Variants in SERINC5 observed in about 807,000 individuals in gnomAD.
SERINC5 encodes chromosome 5 open reading frame 12.
Under a neutral mutation model 63.1 loss-of-function variants are expected in SERINC5, and 41 were observed. The observed-to-expected ratio is 0.65, with a 90% CI of 0.51 to 0.84. The LOEUF (loss-of-function observed/expected upper bound fraction) is 0.84, where lower values mean the gene tolerates loss of function less well. Ranked by LOEUF, SERINC5 falls within the 40% of genes least tolerant of loss-of-function variation. SERINC5 has a pLI of 0.00. For synonymous variants in SERINC5, 222 were observed against 215.2 expected (o/e 1.03, Z -0.28); for missense variants, 523 against 573.0 (o/e 0.91, Z 0.89).
intron 2 of SERINC5, among the ~76,000 whole-genome samples, chr5:80,189,675 T>TA (rs1245783437): frequency 6.6e-6 from 1 of 152,204 alleles, no homozygotes; most frequent in Non-Finnish European, 1.5e-5. Flanking sequence ...CACATGCTTA[T>TA]AGTCTAAGTG....
At chr5:80,194,350 G>A (rs1343830171) in intron 2 of SERINC5, among the ~76,000 whole-genome samples, 2 of 152,122 alleles carry the variant, frequency 1.3e-5, no homozygotes, top group African/African-American at 4.8e-5. Flanking sequence ...CATTCAACCA[G>A]TAAATATCAA....
chr5:80,174,888 T>C (rs1375278683), intron 5 of SERINC5, 66 bp downstream of exon 5: 1 of 1,130,748 alleles, frequency 8.8e-7, no homozygotes, highest in East Asian at 2.6e-5. Flanking sequence ...TGCAGTTGAG[T>C]ACAGCCTTGG....
intron 1 of SERINC5, among the ~76,000 whole-genome samples, chr5:80,219,640 C>G (rs1379730779): frequency 1.3e-5 from 2 of 152,150 alleles, no homozygotes; most frequent in Non-Finnish European, 2.9e-5. Context: ...TGTGAGGATG[C>G]CTGCATTCAA....
intron 1 of SERINC5, among the ~76,000 whole-genome samples, chr5:80,247,984 G>A (rs750324045): frequency 8.6e-5 from 13 of 152,044 alleles, no homozygotes; most frequent in Non-Finnish European, 1.3e-4. Flanking sequence ...AAGTAGCTGG[G>A]ACTATATAGG....
At chr5:80,117,127 G>A (rs1478630278) in intron 11 of SERINC5, among the ~76,000 whole-genome samples, 1 of 152,026 alleles carries the variant, frequency 6.6e-6, no homozygotes, top group Non-Finnish European at 1.5e-5. Flanking sequence ...CACCATGCCT[G>A]GCCCAGAGCT....
intron 11 of SERINC5, among the ~76,000 whole-genome samples, chr5:80,129,927 T>A (rs574412606): frequency 6.6e-6 from 1 of 152,336 alleles, no homozygotes; most frequent in Non-Finnish European, 1.5e-5. Flanking sequence ...CACCACAACA[T>A]ACAAAATGCA....
At chr5:80,190,959 C>A (rs113940667) in intron 2 of SERINC5, among the ~76,000 whole-genome samples, 8 of 152,088 alleles carry the variant, frequency 5.3e-5, no homozygotes, top group Non-Finnish European at 8.8e-5. Context: ...CCTGGATCAC[C>A]AAATGCTTGG....
Position 80,119,347 on chromosome 5 carries a change from GC to G in SERINC5, c.1239-5723del, listed in dbSNP as rs1255276067. 3.9e-5 allele frequency among the ~76,000 whole-genome samples: 6 copies of G among 152,138 alleles called. No homozygotes were observed. The South Asian group carries it at 1.2e-3, about 32-fold the overall frequency. On this transcript the variant is annotated intron_variant, in intron 11 of 12. Coordinates refer to the SERINC5 transcript ENST00000509193. ...TTAGTGAAGGTGGGGTGACAAACTG[GC>G]TGAACCAGTGGCCTAGACAGCCAAT...
At chr5:80,162,164 T>A (rs990805364) in intron 7 of SERINC5, among the ~76,000 whole-genome samples, 6 of 152,156 alleles carry the variant, frequency 3.9e-5, no homozygotes, top group African/African-American at 1.4e-4. Flanking sequence ...TTCCTCCAAG[T>A]TTTGTTCTTT....
intron 1 of SERINC5, among the ~76,000 whole-genome samples, chr5:80,230,445 C>CAAAAAAAAAAAAAAA (rs72476401): frequency 3.2e-5 from 3 of 93,188 alleles, no homozygotes; most frequent in African/African-American, 5.6e-5. Context: ...AAGACTGTCA[C>CAAAAAAAAAAAAAAA]AAAAAAAAAA....
At chr5:80,238,937 C>T (rs1345383207) in intron 1 of SERINC5, among the ~76,000 whole-genome samples, 4 of 152,178 alleles carry the variant, frequency 2.6e-5, no homozygotes, top group Admixed American at 2.0e-4. Context: ...CACTCATTCA[C>T]GCTCTCGTCA....
At chr5:80,147,650 A>G (rs1481529653) in intron 9 of SERINC5, among the ~76,000 whole-genome samples, 1 of 151,968 alleles carries the variant, frequency 6.6e-6, no homozygotes, top group African/African-American at 2.4e-5. Flanking sequence ...CTGTCCTTCA[A>G]CTTCACCCTC....
intron 8 of SERINC5, among the ~76,000 whole-genome samples, chr5:80,152,933 C>T (rs1746279039): frequency 6.6e-6 from 1 of 152,136 alleles, no homozygotes; most frequent in South Asian, 2.1e-4. Flanking sequence ...GAAAGTGAGA[C>T]TCTGTCTCAA....
At chr5:80,177,773 AT>A in intron 3 of SERINC5, 112 bp downstream of exon 3, 1 of 845,452 alleles carries the variant, frequency 1.2e-6, no homozygotes, top group Non-Finnish European at 1.8e-6. Flanking sequence ...TAAATCAACA[AT>A]TTCAACTAGA....
Position 80,172,094 on chromosome 5 carries a change from G to A in SERINC5, c.552-2548C>T, listed in dbSNP as rs572631233. On this transcript the variant is annotated intron_variant, in intron 5 of 11. Coordinates refer to ENST00000507668, the MANE Select transcript of SERINC5 (RefSeq NM_001174072.3). ...TGCCTGTAATCCCAGCACTTTGGGAGGCCAAGGCGGACAGATCACGAGGTC... is the reference window on the plus strand; with the variant it reads ...TGCCTGTAATCCCAGCACTTTGGGAAGCCAAGGCGGACAGATCACGAGGTC... 8.5e-5 allele frequency among the ~76,000 whole-genome samples: 13 copies of A among 152,304 alleles called. No individual in the cohort carries two copies. The South Asian group carries it at 2.5e-3, about 29-fold the overall frequency.
At chr5:80,173,662 TC>T (rs1747829533) in intron 5 of SERINC5, among the ~76,000 whole-genome samples, 1 of 151,908 alleles carries the variant, frequency 6.6e-6, no homozygotes, top group Non-Finnish European at 1.5e-5. Flanking sequence ...CTTGCTGCTC[TC>T]CCCTCCCCCA....
chr5:80,202,771 C>T, intron 2 of SERINC5, 115 bp downstream of exon 2: 1 of 1,005,036 alleles, frequency 9.9e-7, no homozygotes, highest in African/African-American at 1.6e-5. Context: ...TCAAGGAAAC[C>T]AGGTATACCC....
intron 1 of SERINC5, among the ~76,000 whole-genome samples, chr5:80,222,641 C>A (rs112378833): frequency 6.6e-6 from 1 of 151,640 alleles, no homozygotes; most frequent in Admixed American, 6.6e-5. Context: ...GGAGCGATCT[C>A]GGCTCACTGC....
intron 1 of SERINC5, among the ~76,000 whole-genome samples, chr5:80,246,408 T>C (rs1209942133): frequency 1.3e-5 from 2 of 152,240 alleles, no homozygotes; most frequent in African/African-American, 4.8e-5. Context: ...TTTTCCCATC[T>C]TCGCTAGTTA....
Sources: allele counts gnomAD v4.1 joint callset (sites outside exome capture counted in the v4.1 genomes callset), GRCh38; gene constraint gnomAD v4.1.1; transcripts MANE v1.5; gene names NCBI Gene and HGNC (gene_info 2026-07-23, HGNC 2026-07-21).